The following ZNF544 variants were observed in gnomAD, a reference collection of about 807,000 sequenced individuals.
ZNF544 encodes the protein zinc finger protein AF020591.
Under a neutral mutation model 13.5 loss-of-function variants are expected in ZNF544, and 10 were observed. The observed-to-expected ratio is 0.74, with a 90% CI of 0.46 to 1.25. ZNF544 has a LOEUF of 1.25. ZNF544 is among the 50% of genes most tolerant of loss of function. The probability of loss-of-function intolerance (pLI) is 0.00; values close to 1 mark genes in which losing one functional copy is unlikely to be tolerated. For missense variants in ZNF544, 896 were observed against 845.6 expected, an observed-to-expected ratio of 1.06 and a Z score of -0.74; for synonymous variants, 323 against 300.5, an observed-to-expected ratio of 1.07 and a Z score of -0.77.
At chr19:58,253,211 C>G (rs540634848) in intron 6 of ZNF544, among the ~76,000 whole-genome samples, 1 of 152,326 alleles carries the variant, frequency 6.6e-6, no homozygotes, top group Admixed American at 6.5e-5. Flanking sequence ...TTACCTAAAA[C>G]ATTTATCCCA....
chr19:58,242,327 A>G (rs1211697978), intron 3 of ZNF544: 9 of 966,748 alleles, frequency 9.3e-6, no homozygotes, highest in Non-Finnish European at 1.1e-5. Context: ...TGCCTAAAAA[A>G]TACAGCACAG....
rs528180873 is a variant in ZNF544 at position 58,252,504 on chromosome 19, G to A, written c.244+5710G>A. Reference sequence around the variant, plus strand: ...ATAACTTTCTTCACCTCTCTCTCCCGTACTTACTGGTTTCTTACTACCTTG... The same window carrying A: ...ATAACTTTCTTCACCTCTCTCTCCCATACTTACTGGTTTCTTACTACCTTG... On this transcript the variant is annotated intron_variant, in intron 6 of 6. Transcript: ENST00000687789. Among the ~76,000 whole-genome samples, 13 of 152,060 alleles carry A rather than the reference G, an allele frequency of 8.5e-5. No individual in the cohort carries two copies. In the South Asian group the frequency reaches 1.5e-3, roughly 17 times the overall value.
At chr19:58,233,348 G>A (rs1470979340) in intron 3 of ZNF544, among the ~76,000 whole-genome samples, 2 of 152,062 alleles carry the variant, frequency 1.3e-5, no homozygotes, top group African/African-American at 2.4e-5. Context: ...TTAAGGCCTG[G>A]CCTTATCACC....
chr19:58,240,283 A>G (rs2043287769), intron 3 of ZNF544, among the ~76,000 whole-genome samples: 1 of 150,288 alleles, frequency 6.7e-6, no homozygotes, highest in African/African-American at 2.4e-5. Flanking sequence ...TTGGAGACAG[A>G]GTTTTGCTCT....
intron 4 of ZNF544, among the ~76,000 whole-genome samples, 182 bp downstream of exon 4, chr19:58,244,238 C>T (rs558569588): frequency 1.4e-4 from 21 of 152,096 alleles, no homozygotes; most frequent in Non-Finnish European, 3.1e-4. Context: ...CATGGACGAG[C>T]CTAGAGCTCC....
At chr19:58,241,478 C>G (rs2043842410) in intron 3 of ZNF544, among the ~76,000 whole-genome samples, 1 of 150,808 alleles carries the variant, frequency 6.6e-6, no homozygotes, top group Non-Finnish European at 1.5e-5. Context: ...GATAGCAATT[C>G]TAATCATTCA....
downstream of ZNF544, among the ~76,000 whole-genome samples, chr19:58,267,391 G>A (rs542895234): frequency 5.5e-4 from 83 of 151,252 alleles, no homozygotes; most frequent in African/African-American, 1.9e-3. Flanking sequence ...TTTTGTTAAC[G>A]TAAAAGTGAG....
intron 3 of ZNF544, among the ~76,000 whole-genome samples, chr19:58,240,247 CTTTCTT>C (rs1349464002): frequency 1.3e-5 from 2 of 151,770 alleles, no homozygotes; most frequent in Non-Finnish European, 2.9e-5. Flanking sequence ...AGGATCAGAC[CTTTCTT>C]TTTCTTTCTT....
At position 58,262,804 on chromosome 19, in the gene ZNF544, T is replaced by C; in HGVS notation, c.*50T>C. 2.6e-6 allele frequency: 4 copies of C among 1,546,174 alleles called. No individual in the cohort carries two copies. The highest frequency in any genetic ancestry group is 3.5e-6 in the Non-Finnish European group (4 of 1,146,504). On this transcript the variant is annotated 3_prime_UTR_variant, in exon 7 of 7. Coordinates refer to ENST00000687789, the MANE Select transcript of ZNF544 (RefSeq NM_014480.4). ...TTCATCCAGAGGTCTCCCCTCATCA[T>C]GCACCAGAGGACGCATGTCGGTGGG...
intron 6 of ZNF544, 79 bp from the exon 7 acceptor site, chr19:58,260,772 C>T: frequency 2.3e-6 from 3 of 1,287,598 alleles, no homozygotes; most frequent in Non-Finnish European, 3.1e-6. Context: ...TTCCATTAAA[C>T]AGTTGTCTCC....
In ZNF544 at chr19:58,277,338, G is replaced by A. The variant is rs1381051146; in HGVS notation, c.*87G>A. The A allele has an allele frequency of 3.8e-6, 4 of 1,055,720 alleles. No homozygotes were observed. The African/African-American group carries it at 6.6e-5, about 17-fold the overall frequency. The allele number at this position is 1,055,720 out of a possible 1,614,324, so 65.4% of individuals were successfully genotyped here. ...CAGCTCCTCCGTCCCCACTGGTAACGTCTTCACCCCTTCAACACGGTGTGA... is the reference window on the plus strand; with the variant it reads ...CAGCTCCTCCGTCCCCACTGGTAACATCTTCACCCCTTCAACACGGTGTGA... On this transcript the variant is annotated 3_prime_UTR_variant, in exon 7 of 7. Coordinates refer to the ZNF544 transcript ENST00000595981.
In ZNF544 at chr19:58,247,934, A is replaced by T. The variant is rs147922534; in HGVS notation, c.244+1140A>T. Among the ~76,000 whole-genome samples the T allele has an allele frequency of 6.9e-3, 1,035 of 150,344 alleles. 9 individuals carry two copies. Among genetic ancestry groups the T allele is most frequent in the African/African-American group, 0.023 (959 of 40,890 alleles). On this transcript the variant is annotated intron_variant, in intron 6 of 6. Coordinates refer to ENST00000687789, the MANE Select transcript of ZNF544 (RefSeq NM_014480.4). The stretch of plus-strand genomic sequence containing the variant: ...TTGAGGCATCCTTTTTTTTTTTCCC[A>T]GACAGAGTCTCACTCTGTCACCAGG...
chr19:58,273,645 G>A (rs986198133), intron 5 of ZNF544, among the ~76,000 whole-genome samples: 1 of 149,126 alleles, frequency 6.7e-6, no homozygotes, highest in East Asian at 2.0e-4. Context: ...GGCCGAGATC[G>A]TGTCACTGCA....
intron 5 of ZNF544, among the ~76,000 whole-genome samples, chr19:58,271,532 G>T (rs2050636615): frequency 6.6e-6 from 1 of 152,124 alleles, no homozygotes; most frequent in Non-Finnish European, 1.5e-5. Flanking sequence ...ACCCCAGGAG[G>T]TTGAGGCTGC....
In ZNF544 at chr19:58,263,109, A is replaced by G. The variant is rs953449239; in HGVS notation, c.*355A>G. On this transcript the variant is annotated 3_prime_UTR_variant, in exon 7 of 7. Transcript: ENST00000687789. ...TGTTAACAAATGTGGAAAAGCTTCC[A>G]GTTATGATACTTTCCTTATTCAACA... 3 of 1,035,238 alleles carry G rather than the reference A, an allele frequency of 2.9e-6. No individual in the cohort carries two copies. In the Admixed American group the frequency reaches 1.5e-4, roughly 51 times the overall value. 64.1% of individuals were successfully genotyped at this position (1,035,238 alleles called of 1,614,324 possible). A position where few individuals can be genotyped will look rare whatever the true frequency, so the allele number is the denominator to read the frequency against.
chr19:58,242,487 C>T (rs1283987805), intron 3 of ZNF544, among the ~76,000 whole-genome samples: 2 of 151,132 alleles, frequency 1.3e-5, no homozygotes, highest in African/African-American at 4.9e-5. Context: ...CTGCCTTTAT[C>T]TGCTCTTCTA....
At chr19:58,274,676 A>T (rs1323812485) in intron 5 of ZNF544, among the ~76,000 whole-genome samples, 1 of 152,196 alleles carries the variant, frequency 6.6e-6, no homozygotes, top group East Asian at 1.9e-4. Context: ...TACTTTACGA[A>T]AAACAGCATT....
At chr19:58,244,086 T>C (rs780927051) in intron 4 of ZNF544, 30 bp downstream of exon 4, 2 of 1,588,502 alleles carry the variant, frequency 1.3e-6, no homozygotes, top group South Asian at 1.1e-5. Flanking sequence ...TCTCAGTGCC[T>C]TGGTCTCCAT....
At chr19:58,274,164 A>T (rs978654436) in intron 5 of ZNF544, among the ~76,000 whole-genome samples, 9 of 151,872 alleles carry the variant, frequency 5.9e-5, no homozygotes. Flanking sequence ...GAAAAAAATT[A>T]ATATATTTTA....
Sources: gnomAD v4.1 joint callset for allele counts (sites outside exome capture counted in the v4.1 genomes callset) on GRCh38, gnomAD v4.1.1 for gene constraint, MANE v1.5 for transcripts, NCBI Gene and HGNC (gene_info 2026-07-23, HGNC 2026-07-21) for gene names.